Variants in SPON2 observed in about 807,000 individuals in gnomAD.
SPON2 encodes spondin 2, also known as spondin-2.
Under a neutral mutation model 29.9 loss-of-function variants are expected in SPON2, and 32 were observed. The observed-to-expected ratio is 1.07, with a 90% CI of 0.81 to 1.44. SPON2 has a LOEUF of 1.44. SPON2 is among the 40% of genes most tolerant of loss of function. SPON2 has a pLI of 0.00. For synonymous variants in SPON2, 248 were observed against 209.1 expected (o/e 1.19, Z -1.61); for missense variants, 541 against 455.5 (o/e 1.19, Z -1.71).
At chr4:1,206,601 G>A (rs566235148) in intron 1 of SPON2, among the ~76,000 whole-genome samples, 36 of 152,342 alleles carry the variant, frequency 2.4e-4, no homozygotes, top group African/African-American at 8.2e-4. Flanking sequence ...TCAGGGAACG[G>A]GGACCCAGCG....
At chr4:1,168,684 G>C (rs1727325200) in intron 5 of SPON2, among the ~76,000 whole-genome samples, 1 of 152,240 alleles carries the variant, frequency 6.6e-6, no homozygotes, top group African/African-American at 2.4e-5. Context: ...TGAAACCGAG[G>C]TGGTGGGAGC....
rs537642604 is a variant in SPON2, at chr4:1,185,988, T to A, written c.-238-6447A>T. ...GGCCGGGCGTGGTGGCTCACGCCTG[T>A]AATCCCAGCACTTTGGGAGGCCGAG... On this transcript the variant is annotated intron_variant, in intron 1 of 3. Coordinates refer to the SPON2 transcript ENST00000502483. 2.1e-3 allele frequency among the ~76,000 whole-genome samples: 321 copies of A among 151,926 alleles called. 2 individuals are homozygous for A. The highest frequency in any genetic ancestry group is 7.5e-3 in the African/African-American group (312 of 41,490).
intron 1 of SPON2, among the ~76,000 whole-genome samples, chr4:1,193,822 T>C (rs979372214): frequency 2.3e-3 from 19 of 8,282 alleles, no homozygotes; most frequent in African/African-American, 5.1e-3. Flanking sequence ...CGTGGGGGGG[T>C]GGCGTGGGAA....
At chr4:1,168,821 C>G (rs946977036) in intron 5 of SPON2, among the ~76,000 whole-genome samples, 22 of 152,214 alleles carry the variant, frequency 1.4e-4, no homozygotes, top group Non-Finnish European at 1.5e-5. Flanking sequence ...AGGCATCCAG[C>G]GTGTGAGCAG....
At chr4:1,204,736 C>A (rs901134054) in intron 1 of SPON2, among the ~76,000 whole-genome samples, 1 of 152,196 alleles carries the variant, frequency 6.6e-6, no homozygotes, top group Non-Finnish European at 1.5e-5. Context: ...GCACGAGGGA[C>A]GGCACCTCGT....
At position 1,171,943 on chromosome 4, in the gene SPON2, G is replaced by A; in HGVS notation, c.129C>T (p.Tyr43=). The change falls in exon 2 of 6, where the codon TAC becomes TAT. Residue 43 remains tyrosine, a synonymous_variant. Coordinates refer to ENST00000290902, the MANE Select transcript of SPON2 (RefSeq NM_012445.4). ...TCCACTTGCCCGTGAAGGTGATGCT[G>A]TATTTGGCCAGGGCTCTGGCGGAAC... The part of the protein sequence containing the change: ...SICSARALAK[Y]SITFTGKWSQ... 2 of 1,612,916 alleles carry A rather than the reference G, an allele frequency of 1.2e-6. No individual in the cohort carries two copies. Among genetic ancestry groups the A allele is most frequent in the Admixed American group, 3.3e-5 (2 of 60,032 alleles).
In SPON2 at chr4:1,170,538, G is replaced by A; in HGVS notation, c.675C>T (p.Phe225=). ...SSSPSHPANS[F]YYPRLKALPP... Reference sequence around the variant, plus strand: ...GCAGGGCCTTCAGCCGCGGGTAGTAGAAGGAGTTGGCCGGGTGGCTGGGAG... The same window carrying A: ...GCAGGGCCTTCAGCCGCGGGTAGTAAAAGGAGTTGGCCGGGTGGCTGGGAG... Residue 225 remains phenylalanine (F), a synonymous_variant, in exon 5 of 6, where the codon TTC becomes TTT. Transcript: ENST00000290902. The A allele has an allele frequency of 6.2e-7, 1 of 1,613,960 alleles. No individual in the cohort carries two copies. Among genetic ancestry groups the A allele is most frequent in the South Asian group, 1.1e-5 (1 of 91,086 alleles).
At chr4:1,185,973 G>GCA (rs1560207468) in intron 1 of SPON2, among the ~76,000 whole-genome samples, 3 of 151,112 alleles carry the variant, frequency 2.0e-5, no homozygotes, top group East Asian at 2.0e-4. Context: ...GGCCGGGCGT[G>GCA]GTGGCTCACG....
At chr4:1,173,710 C>T (rs958489294), upstream of SPON2, among the ~76,000 whole-genome samples, 2 of 152,012 alleles carry the variant, frequency 1.3e-5, no homozygotes, top group Admixed American at 1.3e-4. Flanking sequence ...TTCACAGATT[C>T]AAAAAGAGAG....
chr4:1,201,739 C>T (rs771691971), intron 1 of SPON2, among the ~76,000 whole-genome samples: 4 of 152,188 alleles, frequency 2.6e-5, no homozygotes, highest in Non-Finnish European at 4.4e-5. Context: ...CCGGTTGCCA[C>T]GCCCGGCTAA....
At chr4:1,193,959 G>A (rs895334098) in intron 1 of SPON2, among the ~76,000 whole-genome samples, 4 of 151,774 alleles carry the variant, frequency 2.6e-5, no homozygotes, top group Middle Eastern at 3.4e-3. Flanking sequence ...CGGGGGTGGC[G>A]TGGGCCCTGC....
At chr4:1,169,032 C>A (rs543087299) in intron 5 of SPON2, among the ~76,000 whole-genome samples, 3 of 152,248 alleles carry the variant, frequency 2.0e-5, no homozygotes, top group African/African-American at 7.2e-5. Flanking sequence ...CGTCTCCCAC[C>A]CTTCTCTCCA....
intron 2 of SPON2, 47 bp downstream of exon 2, chr4:1,171,805 C>G: frequency 7.1e-7 from 1 of 1,417,142 alleles, no homozygotes; most frequent in East Asian, 2.3e-5. Context: ...GCTCCGGCGC[C>G]GCAGCCCTCC....
At chr4:1,200,459 G>A (rs1312006489) in intron 1 of SPON2, among the ~76,000 whole-genome samples, 1 of 152,120 alleles carries the variant, frequency 6.6e-6, no homozygotes, top group Non-Finnish European at 1.5e-5. Context: ...TGGCTGAGCC[G>A]CCCTGGTGTC....
chr4:1,192,171 A>T (rs927266628), intron 1 of SPON2, among the ~76,000 whole-genome samples: 6 of 152,234 alleles, frequency 3.9e-5, no homozygotes, highest in Non-Finnish European at 8.8e-5. Context: ...CTTCCTCTGC[A>T]GAGTGTGGGA....
intron 1 of SPON2, among the ~76,000 whole-genome samples, chr4:1,183,515 G>A (rs1289569176): frequency 6.6e-6 from 1 of 152,168 alleles, no homozygotes; most frequent in East Asian, 1.9e-4. Flanking sequence ...TTAAGAGAAT[G>A]TGTTTTTTAA....
upstream of SPON2, chr4:1,199,403 A>G (rs541276079): frequency 2.0e-5 from 3 of 152,332 alleles, no homozygotes; most frequent in Admixed American, 1.3e-4. This position sits in a 1 kb window ranked among gnomAD's most constrained non-coding sequence, Gnocchi z 4.5. Context: ...ATCTCAAAAA[A>G]TATTAAAATT....
chr4:1,171,512 G>A (rs780587630), intron 2 of SPON2, 26 bp from the exon 3 acceptor site: 2 of 1,601,764 alleles, frequency 1.2e-6, no homozygotes, highest in African/African-American at 1.3e-5. Context: ...GCCGCGCCGC[G>A]GACCATGGTC....
chr4:1,194,910 G>GCAGCCGGCGGCCTCACCTCA lies in SPON2; in HGVS notation c.-239+79_-239+80insTGAGGTGAGGCCGCCGGCTG, dbSNP rs1560210525. The GCAGCCGGCGGCCTCACCTCA allele has an allele frequency of 2.6e-4, 24 of 90,830 alleles. 1 individual carries two copies. The highest frequency in any genetic ancestry group is 4.4e-4 in the Non-Finnish European group (20 of 45,778). The allele number at this position is 90,830 out of a possible 1,614,324, so 5.6% of individuals were successfully genotyped here. On this transcript the variant is annotated intron_variant, in intron 1 of 3. Transcript: ENST00000502483. ...CGCCACAGCCGGCGACTCCAACCCCGCAGCCGGCGGCTCCAACCCCGCAGC... is the reference window on the plus strand; with the variant it reads ...CGCCACAGCCGGCGACTCCAACCCCGCAGCCGGCGGCCTCACCTCACAGCCGGCGGCTCCAACCCCGCAGC...
Sources: allele counts gnomAD v4.1 joint callset (sites outside exome capture counted in the v4.1 genomes callset), GRCh38; gene constraint gnomAD v4.1.1; non-coding constraint Gnocchi (gnomAD v3.1); transcripts MANE v1.5; gene names NCBI Gene and HGNC (gene_info 2026-07-23, HGNC 2026-07-21).